The following NIBAN1 variants were observed in gnomAD, a reference collection of about 807,000 sequenced individuals.
The protein encoded by NIBAN1 is protein Niban 1.
A neutral mutation model predicts 75.1 loss-of-function variants in NIBAN1; 81 were observed. The ratio of observed to expected loss-of-function variants is 1.08; its 90% CI spans 0.90 to 1.30. The LOEUF is 1.30. Among genes scored for constraint, NIBAN1 ranks in the 50% most tolerant of loss-of-function variants. NIBAN1 has a pLI of 0.00. For missense variants in NIBAN1, 1,133 were observed against 1,128.1 expected, an observed-to-expected ratio of 1.00 and a Z score of -0.06; for synonymous variants, 436 against 424.8, an observed-to-expected ratio of 1.03 and a Z score of -0.32.
chr1:184,895,223 T>G (rs1656767650), intron 2 of NIBAN1, among the ~76,000 whole-genome samples: 1 of 152,166 alleles, frequency 6.6e-6, no homozygotes, highest in South Asian at 2.1e-4. Context: ...CATTAAAAGG[T>G]AAGAGAGAAT....
chr1:184,899,075 T>C, intron 2 of NIBAN1, 104 bp downstream of exon 2: 1 of 1,358,454 alleles, frequency 7.4e-7, no homozygotes, highest in Admixed American at 2.0e-5. Context: ...CAGAGCAGAG[T>C]TTTTAAAACT....
At chr1:184,878,892 T>C (rs1236561882) in intron 5 of NIBAN1, among the ~76,000 whole-genome samples, 4 of 151,848 alleles carry the variant, frequency 2.6e-5, no homozygotes, top group Admixed American at 2.6e-4. Context: ...ACCATGAAAG[T>C]CCCTCCCAAA....
intron 1 of NIBAN1, among the ~76,000 whole-genome samples, chr1:184,917,455 C>T (rs1228623114): frequency 3.3e-5 from 5 of 150,540 alleles, no homozygotes; most frequent in African/African-American, 9.8e-5. Flanking sequence ...GTGATCCGCC[C>T]GCCTCGGCCT....
chr1:184,865,819 T>C (rs895409247), intron 5 of NIBAN1, among the ~76,000 whole-genome samples: 1 of 152,148 alleles, frequency 6.6e-6, no homozygotes, highest in East Asian at 1.9e-4. Context: ...CAAATGATAG[T>C]AGGCGATGAG....
At chr1:184,968,209 CAAAA>C (rs1176738165) in intron 1 of NIBAN1, among the ~76,000 whole-genome samples, 433 of 8,802 alleles carry the variant, frequency 0.049, 144 homozygotes, top group African/African-American at 0.16. Context: ...GACTCCGTCT[CAAAA>C]AAAAAAAAAA....
intron 1 of NIBAN1, among the ~76,000 whole-genome samples, chr1:184,904,470 C>T (rs1172933726): frequency 3.3e-5 from 5 of 152,162 alleles, no homozygotes; most frequent in African/African-American, 1.2e-4. Flanking sequence ...TATCTGCTGG[C>T]CCCTTTGAAG....
chr1:184,920,210 A>T (rs1399413631), intron 1 of NIBAN1, among the ~76,000 whole-genome samples: 1 of 152,218 alleles, frequency 6.6e-6, no homozygotes, highest in Non-Finnish European at 1.5e-5. Flanking sequence ...AAAGATATGA[A>T]ATACAACCAA....
intron 8 of NIBAN1, among the ~76,000 whole-genome samples, 186 bp from the exon 9 acceptor site, chr1:184,819,011 C>A (rs953283137): frequency 6.6e-6 from 1 of 152,126 alleles, no homozygotes; most frequent in African/African-American, 2.4e-5. Context: ...AACCACTGGA[C>A]CCTTTCAGAA....
intron 5 of NIBAN1, chr1:184,867,991 T>C: frequency 1.0e-6 from 1 of 985,346 alleles, no homozygotes; most frequent in Non-Finnish European, 1.2e-6. Flanking sequence ...AAACAACAAA[T>C]GAAGAGAAGT....
chr1:184,872,486 A>G (rs1398966365), intron 5 of NIBAN1, among the ~76,000 whole-genome samples: 7 of 152,148 alleles, frequency 4.6e-5, no homozygotes, highest in Admixed American at 3.9e-4. Context: ...CAGGTAGATC[A>G]CTTGAGGTTA....
At chr1:184,910,880 T>C (rs895018551) in intron 1 of NIBAN1, among the ~76,000 whole-genome samples, 1 of 152,176 alleles carries the variant, frequency 6.6e-6, no homozygotes, top group African/African-American at 2.4e-5. Context: ...TCCCTTGAGT[T>C]TGGACATTGG....
At chr1:184,935,457 A>G (rs1356491458) in intron 1 of NIBAN1, among the ~76,000 whole-genome samples, 1 of 152,142 alleles carries the variant, frequency 6.6e-6, no homozygotes, top group African/African-American at 2.4e-5. Flanking sequence ...GCAGTGGGCC[A>G]TGATTGTGCC....
intron 5 of NIBAN1, among the ~76,000 whole-genome samples, chr1:184,843,372 C>T (rs1655348375): frequency 6.6e-6 from 1 of 151,766 alleles, no homozygotes; most frequent in African/African-American, 2.4e-5. Flanking sequence ...TTTTTCAAAG[C>T]CTTACAGATA....
At chr1:184,945,563 AG>A (rs1285200772) in intron 1 of NIBAN1, among the ~76,000 whole-genome samples, 1 of 152,246 alleles carries the variant, frequency 6.6e-6, no homozygotes, top group Non-Finnish European at 1.5e-5. Flanking sequence ...CTTTAAAAAA[AG>A]ACCTTAGCCC....
chr1:184,842,797 T>C (rs1313017517), intron 5 of NIBAN1, among the ~76,000 whole-genome samples: 1 of 152,034 alleles, frequency 6.6e-6, no homozygotes, highest in African/African-American at 2.4e-5. Context: ...TTCTTGGTTT[T>C]GCCATAGATA....
intron 1 of NIBAN1, among the ~76,000 whole-genome samples, chr1:184,924,544 CT>C (rs1657637337): frequency 1.3e-5 from 2 of 152,160 alleles, no homozygotes; most frequent in Middle Eastern, 3.4e-3. Flanking sequence ...TCAGGTAATA[CT>C]GGCCTCATTG....
At chr1:184,928,407 G>C (rs1446090064) in intron 1 of NIBAN1, among the ~76,000 whole-genome samples, 1 of 152,296 alleles carries the variant, frequency 6.6e-6, no homozygotes. Context: ...GGCCAGCACA[G>C]CACCAGGACT....
intron 1 of NIBAN1, among the ~76,000 whole-genome samples, chr1:184,971,015 G>A (rs1056348438): frequency 1.3e-5 from 2 of 152,130 alleles, no homozygotes; most frequent in African/African-American, 2.4e-5. Context: ...GCCGGGCATG[G>A]TGACTCATGC....
chr1:184,899,803 C>A (rs1487808495), intron 1 of NIBAN1, among the ~76,000 whole-genome samples: 1 of 140,120 alleles, frequency 7.1e-6, no homozygotes, highest in Non-Finnish European at 1.5e-5. Flanking sequence ...AAGCACATCA[C>A]TCTCTTTTTT....
Sources: gnomAD v4.1 joint callset for allele counts (sites outside exome capture counted in the v4.1 genomes callset) on GRCh38, gnomAD v4.1.1 for gene constraint, MANE v1.5 for transcripts, NCBI Gene and HGNC (gene_info 2026-07-23, HGNC 2026-07-21) for gene names.